The following CRTC3 variants were observed in gnomAD, a reference collection of about 807,000 sequenced individuals.
CRTC3 encodes the protein CREB regulated transcription coactivator 3.
CRTC3 carries 26 observed loss-of-function variants against 74.5 expected under a neutral mutation model. The ratio of observed to expected loss-of-function variants is 0.35; its 90% CI spans 0.26 to 0.48. CRTC3 has a LOEUF of 0.48. Ranked by LOEUF, CRTC3 falls within the 20% of genes least tolerant of loss-of-function variation. CRTC3 has a pLI of 0.99. For synonymous variants in CRTC3, 377 were observed against 325.8 expected, an observed-to-expected ratio of 1.16 and a Z score of -1.69; for missense variants, 760 against 787.3, an observed-to-expected ratio of 0.97 and a Z score of 0.41.
intron 10 of CRTC3, among the ~76,000 whole-genome samples, chr15:90,627,617 T>TTTTC (rs2151091944): frequency 6.6e-6 from 1 of 151,224 alleles, no homozygotes; most frequent in East Asian, 1.9e-4. Flanking sequence ...AGTTTCTGTA[T>TTTTC]TTTCTTTTTT....
chr15:90,578,714 G>A (rs749715436), intron 2 of CRTC3, among the ~76,000 whole-genome samples: 2 of 152,152 alleles, frequency 1.3e-5, no homozygotes, highest in Admixed American at 6.5e-5. Context: ...ATCTGGTATC[G>A]ATTGTGAGGT....
chr15:90,587,030 C>T (rs185948376), intron 2 of CRTC3, among the ~76,000 whole-genome samples: 42 of 152,220 alleles, frequency 2.8e-4, no homozygotes, highest in Non-Finnish European at 1.5e-5. Context: ...TAACCACAAA[C>T]ATAATGATAT....
intron 3 of CRTC3, chr15:90,600,221 T>TG (rs1276226776): frequency 6.6e-6 from 1 of 152,210 alleles, no homozygotes; most frequent in Non-Finnish European, 1.5e-5. Context: ...AGATGAAACT[T>TG]GCAATCCTAA....
Position 90,625,879 on chromosome 15 carries a change from C to A in CRTC3, c.853C>A (p.Pro285Thr), listed in dbSNP as rs1286971819. The A allele has an allele frequency of 6.2e-7, 1 of 1,614,062 alleles. No individual in the cohort carries two copies. The highest frequency in any genetic ancestry group is 1.3e-5 in the African/African-American group (1 of 74,912). Residue 285 changes from proline (P) to threonine (T), a missense_variant, in exon 10 of 15, where the codon CCC becomes ACC. Pro to Thr is a conservative substitution (Grantham distance 38). Transcript: ENST00000268184. ...TCTAACCAACCTCCACTACTCGACA[C>A]CCCTGCCAGCCTCCCTGGACACCAC... ...PDLTNLHYST[P>T]LPASLDTTDH...
rs1969542207 is a variant in CRTC3, at chr15:90,644,024, ACCCTCATGGGGTGC to A, written c.*1890_*1903del. The A allele has an allele frequency of 4.3e-6, 1 of 231,932 alleles. No individual in the cohort carries two copies. Among genetic ancestry groups the A allele is most frequent in the Admixed American group, 5.6e-5 (1 of 17,734 alleles). 14.4% of individuals were successfully genotyped at this position (231,932 alleles called of 1,614,324 possible). ...GACCTTGCCTCTCATCTTTAAAATA[ACCCTCATGGGGTGC>A]CCCTCCACCTTCCTCTGGAATCCAA... On this transcript the variant is annotated 3_prime_UTR_variant, in exon 15 of 15. Transcript: ENST00000268184.
intron 3 of CRTC3, among the ~76,000 whole-genome samples, chr15:90,600,142 AT>A (rs967191399): frequency 1.3e-5 from 2 of 152,192 alleles, no homozygotes; most frequent in African/African-American, 4.8e-5. Flanking sequence ...TATCTGTTTT[AT>A]TTTATTGATT....
At chr15:90,563,408 A>AAAAT (rs892534542) in intron 2 of CRTC3, among the ~76,000 whole-genome samples, 5 of 152,158 alleles carry the variant, frequency 3.3e-5, no homozygotes, top group Non-Finnish European at 4.4e-5. Flanking sequence ...TCTGTATCAA[A>AAAAT]AAATAAATAA....
chr15:90,530,141 C>T lies in CRTC3; in HGVS notation c.70C>T (p.Gln24Ter). The change falls in exon 1 of 15, where the codon CAG becomes TAG. Residue 24 changes from glutamine (Q) to a stop codon, truncating the protein, a stop_gained. Coordinates refer to ENST00000268184, the MANE Select transcript of CRTC3 (RefSeq NM_022769.5). LOFTEE classifies it high-confidence loss of function. The surrounding 1 kb of genome is among the most constrained non-coding windows in gnomAD (Gnocchi z 6.2). ...CAGTGAGAAGATCGCGCTGCACACG[C>T]AGAGACAGGCCGAGGAGACGCGGGC... The part of the protein sequence containing the change: ...KFSEKIALHT[Q>*]RQAEETRAFE... 6.9e-7 allele frequency: 1 copy of T among 1,454,140 alleles called. No individual in the cohort carries two copies. Among genetic ancestry groups the T allele is most frequent in the Non-Finnish European group, 9.2e-7 (1 of 1,088,096 alleles). The allele number at this position is 1,454,140 out of a possible 1,614,324, so 90.1% of individuals were successfully genotyped here.
In CRTC3 at chr15:90,623,596, C is replaced by T. The variant is rs534084953; in HGVS notation, c.750-2180C>T. Among the ~76,000 whole-genome samples, 7 of 152,266 alleles carry T rather than the reference C, an allele frequency of 4.6e-5. No homozygotes were observed. In the South Asian group the frequency reaches 1.4e-3, roughly 32 times the overall value. ...CGTGGCCTCCTGCTGGAGCGTTCAGCAGAGTCATAGCGGCCTCTCCACCTC... is the reference window on the plus strand; with the variant it reads ...CGTGGCCTCCTGCTGGAGCGTTCAGTAGAGTCATAGCGGCCTCTCCACCTC... On this transcript the variant is annotated intron_variant, in intron 9 of 14. Coordinates refer to ENST00000268184, the MANE Select transcript of CRTC3 (RefSeq NM_022769.5).
intron 6 of CRTC3, among the ~76,000 whole-genome samples, chr15:90,608,231 G>A (rs1002253269): frequency 1.3e-5 from 2 of 152,154 alleles, no homozygotes; most frequent in African/African-American, 4.8e-5. Context: ...CTTCCAGAGC[G>A]AACCCAAACC....
At chr15:90,538,333 A>ACT (rs10643869) in intron 1 of CRTC3, among the ~76,000 whole-genome samples, 135,816 of 152,068 alleles carry the variant, frequency 0.89, 60,827 homozygotes, top group Middle Eastern at 0.92. Flanking sequence ...GATGGAAAAA[A>ACT]CACCATGTCG....
At chr15:90,580,414 T>TTTC (rs776612859) in intron 2 of CRTC3, among the ~76,000 whole-genome samples, 1 of 151,726 alleles carries the variant, frequency 6.6e-6, no homozygotes, top group African/African-American at 2.4e-5. Context: ...CCCGCTGGTT[T>TTTC]TTCTTCTTCT....
chr15:90,533,083 TCAAAAAAAAAAA>T (rs1966655467), intron 1 of CRTC3, among the ~76,000 whole-genome samples: 1 of 19,064 alleles, frequency 5.2e-5, no homozygotes, highest in Non-Finnish European at 8.3e-5. Context: ...AGACTTCATC[TCAAAAAAAAAAA>T]AAAAAAAAAA....
At chr15:90,612,163 C>G (rs1968378389) in intron 6 of CRTC3, among the ~76,000 whole-genome samples, 1 of 151,280 alleles carries the variant, frequency 6.6e-6, no homozygotes, top group Non-Finnish European at 1.5e-5. Flanking sequence ...CTTCCAGGTA[C>G]TACAGCAAAT....
chr15:90,570,063 C>T (rs1314637439), intron 2 of CRTC3, among the ~76,000 whole-genome samples: 1 of 152,112 alleles, frequency 6.6e-6, no homozygotes, highest in Non-Finnish European at 1.5e-5. Context: ...GAACAAAATA[C>T]TTAAAAAGGA....
chr15:90,642,063 C>T lies in CRTC3; in HGVS notation c.1783C>T (p.Leu595Phe). 6.2e-7 allele frequency: 1 copy of T among 1,614,030 alleles called. No individual in the cohort carries two copies. The highest frequency in any genetic ancestry group is 8.5e-7 in the Non-Finnish European group (1 of 1,180,022). ...GATTGAACCCCTGAGCCTGGACGGA[C>T]TCAACATGTTAAGTGACTCCAGCAT... is the stretch of plus-strand genomic sequence containing the variant. ...LQIEPLSLDG[L>F]NMLSDSSMGL... Residue 595 changes from leucine to phenylalanine, a missense_variant, in exon 15 of 15, where the codon CTC (leucine) becomes TTC (phenylalanine). Physicochemically the swap from Leu to Phe is conservative, Grantham distance 22. Coordinates refer to ENST00000268184, the MANE Select transcript of CRTC3 (RefSeq NM_022769.5).
At chr15:90,608,467 C>G (rs1312407073) in intron 6 of CRTC3, among the ~76,000 whole-genome samples, 1 of 152,142 alleles carries the variant, frequency 6.6e-6, no homozygotes, top group Non-Finnish European at 1.5e-5. Flanking sequence ...TCTCTCACTC[C>G]TGGCCAGCAC....
rs1269759028 is a variant in CRTC3 at position 90,642,017 on chromosome 15, T to G, written c.1737T>G (p.Phe579Leu). The stretch of plus-strand genomic sequence containing the variant: ...TCAGCCTGAACGTGGACACTCCATT[T>G]CCACTGGAAGAGGAGCTGCAGATTG... Reference protein sequence around the residue: ...PEVSLNVDTPFPLEEELQIEP... With the variant: ...PEVSLNVDTPLPLEEELQIEP... Residue 579 changes from phenylalanine (F) to leucine (L), a missense_variant, in exon 15 of 15, where the codon TTT becomes TTG. Around this residue, in one of 2 missense-constraint regions of CRTC3, gnomAD observed 652 missense variants for 635.2 expected, o/e 1.03. Coordinates refer to ENST00000268184, the MANE Select transcript of CRTC3 (RefSeq NM_022769.5). The G allele has an allele frequency of 6.2e-7, 1 of 1,613,922 alleles. No individual in the cohort carries two copies. Among genetic ancestry groups the G allele is most frequent in the African/African-American group, 1.3e-5 (1 of 75,028 alleles).
rs558426012 is a variant in CRTC3, at chr15:90,606,430, C to T, written c.477-948C>T. 3.6e-4 allele frequency among the ~76,000 whole-genome samples: 54 copies of T among 152,108 alleles called. 1 individual carries two copies. The highest frequency in any genetic ancestry group is 1.2e-3 in the African/African-American group (50 of 41,500). ...TACAAAAGTTAGCTGGGCATGGTGA[C>T]GCACGTCTATAATCCCAGCTACACG... On this transcript the variant is annotated intron_variant, in intron 5 of 14. Coordinates refer to ENST00000268184, the MANE Select transcript of CRTC3 (RefSeq NM_022769.5).
Sources: gnomAD v4.1 joint callset for allele counts (sites outside exome capture counted in the v4.1 genomes callset) on GRCh38, gnomAD v4.1.1 for gene constraint, gnomAD v4.1.1 regional missense constraint, Gnocchi (gnomAD v3.1) non-coding constraint, MANE v1.5 for transcripts, NCBI Gene and HGNC (gene_info 2026-07-23, HGNC 2026-07-21) for gene names.